EPB41L3: variants seen among roughly 807,000 people sequenced by gnomAD.
The protein encoded by EPB41L3 is erythrocyte membrane protein band 4.1 like 3, also known as band 4.1-like protein 3.
In EPB41L3, 57 loss-of-function variants were observed where a neutral mutation model predicts 127.1. The ratio of observed to expected loss-of-function variants is 0.45; its 90% CI spans 0.36 to 0.56. The LOEUF (loss-of-function observed/expected upper bound fraction) is 0.56. EPB41L3 is among the 20% of genes least tolerant of loss of function. The pLI is 0.00. For missense variants in EPB41L3, 1,273 were observed against 1,372.2 expected, an observed-to-expected ratio of 0.93 and a Z score of 1.14; for synonymous variants, 572 against 549.5, an observed-to-expected ratio of 1.04 and a Z score of -0.57.
At chr18:5,401,671 A>G (rs1426278954) in intron 16 of EPB41L3, among the ~76,000 whole-genome samples, 1 of 152,178 alleles carries the variant, frequency 6.6e-6, no homozygotes, top group Non-Finnish European at 1.5e-5. Context: ...CAATTTCAAA[A>G]TATCTTGCTG....
rs78769134 is a variant in EPB41L3 at position 5,527,772 on chromosome 18, G to A, written c.-12+16141C>T. Among the ~76,000 whole-genome samples, 1,099 of 152,302 alleles carry A rather than the reference G, an allele frequency of 7.2e-3. 16 individuals carry two copies. The highest frequency in any genetic ancestry group is 0.026 in the African/African-American group (1,061 of 41,566). On this transcript the variant is annotated intron_variant, in intron 1 of 22. Coordinates refer to ENST00000341928, the MANE Select transcript of EPB41L3 (RefSeq NM_012307.5). ...ACGCAGAGGAAGAATGTTCCAGGCCGAGGGCTCGGCAAGTCCAATGCCTCT... is the reference window on the plus strand; with the variant it reads ...ACGCAGAGGAAGAATGTTCCAGGCCAAGGGCTCGGCAAGTCCAATGCCTCT...
chr18:5,606,655 T>C (rs1447211219), intron 3 of EPB41L3, among the ~76,000 whole-genome samples: 1 of 152,174 alleles, frequency 6.6e-6, no homozygotes, highest in East Asian at 1.9e-4. Context: ...AATATAAATA[T>C]TTGAGCTTTC....
intron 11 of EPB41L3, among the ~76,000 whole-genome samples, chr18:5,421,259 A>C (rs2077436405): frequency 6.6e-6 from 1 of 152,140 alleles, no homozygotes; most frequent in Admixed American, 6.5e-5. Context: ...TTCACAACAA[A>C]TGTGTTCCCT....
At chr18:5,597,939 G>A (rs115815370) in intron 3 of EPB41L3, among the ~76,000 whole-genome samples, 203 of 152,300 alleles carry the variant, frequency 1.3e-3, no homozygotes, top group African/African-American at 4.0e-3. Context: ...TCTCCACCAC[G>A]TGTTTGAGTG....
At chr18:5,463,692 C>T (rs771977120) in intron 3 of EPB41L3, 3 of 152,186 alleles carry the variant, frequency 2.0e-5, no homozygotes, top group African/African-American at 7.2e-5. Context: ...ATTATGCCGA[C>T]AACCCTAAGG....
chr18:5,470,343 G>A (rs1020512239), intron 3 of EPB41L3, among the ~76,000 whole-genome samples: 5 of 152,148 alleles, frequency 3.3e-5, no homozygotes, highest in South Asian at 4.1e-4. Flanking sequence ...TGTAACAAGC[G>A]CCCAAGCAAA....
intron 3 of EPB41L3, among the ~76,000 whole-genome samples, chr18:5,571,305 C>A (rs1320846816): frequency 6.6e-6 from 1 of 152,036 alleles, no homozygotes; most frequent in African/African-American, 2.4e-5. Flanking sequence ...AGAAAGGAAC[C>A]CAAAATGTTC....
chr18:5,571,335 A>AT (rs778089685), intron 3 of EPB41L3, among the ~76,000 whole-genome samples: 2 of 152,224 alleles, frequency 1.3e-5, no homozygotes, highest in Non-Finnish European at 2.9e-5. Flanking sequence ...TCTTGTCTCT[A>AT]TTTTGAAATG....
chr18:5,414,667 C>T (rs905335228), intron 13 of EPB41L3, among the ~76,000 whole-genome samples: 9 of 152,200 alleles, frequency 5.9e-5, no homozygotes, highest in Middle Eastern at 3.4e-3. Flanking sequence ...AGGAGGGCTG[C>T]AGGGAGCCTG....
intron 1 of EPB41L3, chr18:5,529,062 G>A (rs1454196203): frequency 6.6e-6 from 1 of 152,162 alleles, no homozygotes; most frequent in Non-Finnish European, 1.5e-5. Flanking sequence ...AGCATATTAA[G>A]GGAATTAAAC....
intron 8 of EPB41L3, among the ~76,000 whole-genome samples, chr18:5,431,932 A>C (rs948903080): frequency 1.3e-5 from 2 of 152,330 alleles, no homozygotes; most frequent in Non-Finnish European, 2.9e-5. Context: ...ACTGGCAAGT[A>C]AACAGAGCTA....
chr18:5,553,925 T>C (rs558389016), intron 3 of EPB41L3, among the ~76,000 whole-genome samples: 151 of 152,322 alleles, frequency 9.9e-4, no homozygotes, highest in African/African-American at 3.5e-3. Flanking sequence ...TCTGAACATA[T>C]CTGCCAGCCA....
intron 6 of EPB41L3, among the ~76,000 whole-genome samples, chr18:5,435,419 C>T (rs2079624696): frequency 6.6e-6 from 1 of 152,148 alleles, no homozygotes; most frequent in Non-Finnish European, 1.5e-5. Flanking sequence ...ACAGGTGTAC[C>T]ATTAAGAAAA....
chr18:5,628,377 C>A (rs1010865721), intron 1 of EPB41L3, among the ~76,000 whole-genome samples: 8 of 152,210 alleles, frequency 5.3e-5, no homozygotes, highest in Admixed American at 1.3e-4. Context: ...GAGGGAGTTG[C>A]GGACTGGCGG....
rs73381507 is a variant in EPB41L3 at position 5,514,347 on chromosome 18, C to T, written c.-11-25153G>A. 8.1e-3 allele frequency among the ~76,000 whole-genome samples: 1,232 copies of T among 152,258 alleles called. 17 individuals are homozygous for T. The highest frequency in any genetic ancestry group is 0.028 in the African/African-American group (1,171 of 41,544). On this transcript the variant is annotated intron_variant, in intron 1 of 22. Transcript: ENST00000341928. ...CCAATCACAAATGGCACAAAATGTT[C>T]TCCAACATTTTATATGTAATTTAAA...
chr18:5,574,483 T>A (rs2094317726), intron 3 of EPB41L3, among the ~76,000 whole-genome samples: 1 of 152,156 alleles, frequency 6.6e-6, no homozygotes, highest in East Asian at 1.9e-4. Context: ...ATCAGTTTTT[T>A]TTTAAGTGTA....
At chr18:5,396,052 C>T (rs1234154532) in intron 19 of EPB41L3, 149 bp downstream of exon 19, 9 of 963,796 alleles carry the variant, frequency 9.3e-6, no homozygotes, top group Non-Finnish European at 1.4e-5. Flanking sequence ...ATAAAATGAC[C>T]ATTATTGCAT....
At position 5,494,671 on chromosome 18, in the gene EPB41L3, C is replaced by CA. The variant is rs1307829039; in HGVS notation, c.-11-5478dup. 1.7e-3 allele frequency among the ~76,000 whole-genome samples: 222 copies of CA among 127,836 alleles called. 1 individual carries two copies. The highest frequency in any genetic ancestry group is 4.7e-3 in the African/African-American group (164 of 34,530). The allele number at this position is 127,836 out of a possible 152,430, so 83.9% of individuals were successfully genotyped here. A position where few individuals can be genotyped will look rare whatever the true frequency, so the allele number is the denominator to read the frequency against. ...AAACTCCATCCACCCTCCCCCCACC[C>CA]AAAAAAAAAAAGAAACAGTAAAAGA... On this transcript the variant is annotated intron_variant, in intron 1 of 22. Coordinates refer to ENST00000341928, the MANE Select transcript of EPB41L3 (RefSeq NM_012307.5).
chr18:5,523,379 C>T (rs2093077391), intron 1 of EPB41L3, among the ~76,000 whole-genome samples: 1 of 152,084 alleles, frequency 6.6e-6, no homozygotes, highest in Admixed American at 6.5e-5. Flanking sequence ...AACAATAAAC[C>T]AACACTCCAA....
Sources: allele counts gnomAD v4.1 joint callset (sites outside exome capture counted in the v4.1 genomes callset), GRCh38; gene constraint gnomAD v4.1.1; transcripts MANE v1.5; gene names NCBI Gene and HGNC (gene_info 2026-07-23, HGNC 2026-07-21).